The following PCSK9 variants were observed in gnomAD, a reference collection of about 807,000 sequenced individuals.
PCSK9 encodes proprotein convertase subtilisin/kexin type 9.
In PCSK9, 57 loss-of-function variants were observed where a neutral mutation model predicts 62.1. The ratio of observed to expected loss-of-function variants is 0.92; its 90% confidence interval spans 0.74 to 1.14. The LOEUF (loss-of-function observed/expected upper bound fraction) is 1.14, where lower values mean the gene tolerates loss of function less well. Among genes scored for constraint, PCSK9 ranks in the 50% most tolerant of loss-of-function variants. The probability of loss-of-function intolerance (pLI) is 0.00; values close to 1 mark genes in which losing one functional copy is unlikely to be tolerated. For missense variants in PCSK9, 870 were observed against 959.8 expected (o/e 0.91, Z 1.24); for synonymous variants, 387 against 409.4 (o/e 0.95, Z 0.66).
In PCSK9 at chr1:55,057,382, A is replaced by G. The variant is rs1459602819; in HGVS notation, c.1048A>G (p.Thr350Ala). 6.2e-7 allele frequency: 1 copy of G among 1,613,896 alleles called. No individual in the cohort carries two copies. Among genetic ancestry groups the G allele is most frequent in the Non-Finnish European group, 8.5e-7 (1 of 1,180,004 alleles). The change falls in exon 7 of 12, where the codon ACT becomes GCT. Residue 350 changes from threonine to alanine, a missense_variant. Coordinates refer to ENST00000302118, the MANE Select transcript of PCSK9 (RefSeq NM_174936.4). ...NAQDQPVTLG[T>A]LGTNFGRCVD... ...CCAAGACCAGCCGGTGACCCTGGGG[A>G]CTTTGGGGACCAACTTTGGCCGCTG...
intron 3 of PCSK9, among the ~76,000 whole-genome samples, chr1:55,050,744 T>C (rs967439928): frequency 6.6e-6 from 1 of 152,198 alleles, no homozygotes; most frequent in African/African-American, 2.4e-5. Context: ...CTGAAATTCA[T>C]GTGGGATCTC....
chr1:55,052,549 C>T (rs1213456028), intron 4 of PCSK9, 101 bp from the exon 5 acceptor site: 1 of 1,602,728 alleles, frequency 6.2e-7, no homozygotes, highest in African/African-American at 1.3e-5. Flanking sequence ...CCCTCCCTGC[C>T]ATCAGTTGTG....
intron 3 of PCSK9, among the ~76,000 whole-genome samples, chr1:55,048,621 A>C (rs1230420586): frequency 2.0e-5 from 3 of 152,192 alleles, no homozygotes; most frequent in African/African-American, 7.2e-5. Flanking sequence ...GGCATGGGGC[A>C]GGCTGGCTGG....
intron 3 of PCSK9, among the ~76,000 whole-genome samples, chr1:55,050,173 A>T (rs1015415443): frequency 3.3e-5 from 5 of 152,072 alleles, no homozygotes; most frequent in African/African-American, 1.2e-4. Context: ...CTGAGGGAAA[A>T]CCTTGGGCTG....
At chr1:55,045,772 G>C (rs374636177) in intron 2 of PCSK9, among the ~76,000 whole-genome samples, 123 of 151,096 alleles carry the variant, frequency 8.1e-4, no homozygotes, top group Middle Eastern at 6.8e-3. Context: ...TCTGCCTCCC[G>C]GGTTCAAGCT....
chr1:55,063,833 C>A lies in PCSK9; in HGVS notation c.*249C>A. The A allele has an allele frequency of 1.7e-6, 1 of 576,352 alleles. No individual in the cohort carries two copies. Among genetic ancestry groups the A allele is most frequent in the Non-Finnish European group, 3.1e-6 (1 of 323,578 alleles). 35.7% of individuals were successfully genotyped at this position (576,352 alleles called of 1,614,324 possible). ...CTCCCTCCCTCACTGTGGGGCATTTCACCATTCAAACAGGTCGAGCTGTGC... is the reference window on the plus strand; with the variant it reads ...CTCCCTCCCTCACTGTGGGGCATTTAACCATTCAAACAGGTCGAGCTGTGC... On this transcript the variant is annotated 3_prime_UTR_variant, in exon 12 of 12. Coordinates refer to ENST00000302118, the MANE Select transcript of PCSK9 (RefSeq NM_174936.4).
chr1:55,058,665 TCGTGTG>T lies in PCSK9; in HGVS notation c.1503+19_1503+24del. On this transcript the variant is annotated intron_variant, in intron 9 of 11. Transcript: ENST00000302118. ...GCATGGAGGTGACTGTACCCCTCCTTCGTGTGTGTGTGTGTGTGTGTGTGTGTGTGT... is the reference window on the plus strand; with the variant it reads ...GCATGGAGGTGACTGTACCCCTCCTTTGTGTGTGTGTGTGTGTGTGTGTGT... 6.3e-7 allele frequency: 1 copy of T among 1,575,990 alleles called. No individual in the cohort carries two copies.
At chr1:55,052,133 T>G in intron 3 of PCSK9, 145 bp from the exon 4 acceptor site, 1 of 1,109,250 alleles carries the variant, frequency 9.0e-7, no homozygotes, top group Non-Finnish European at 1.4e-6. Flanking sequence ...ATGTAGTGTG[T>G]GAGGATTTTT....
At chr1:55,047,676 C>T (rs1644643760) in intron 3 of PCSK9, among the ~76,000 whole-genome samples, 1 of 152,192 alleles carries the variant, frequency 6.6e-6, no homozygotes, top group Admixed American at 6.5e-5. Flanking sequence ...TGAGTTGCTG[C>T]CATTGCAACA....
chr1:55,052,894 C>T, intron 5 of PCSK9, 103 bp downstream of exon 5: 2 of 1,558,268 alleles, frequency 1.3e-6, no homozygotes, highest in Non-Finnish European at 1.7e-6. Flanking sequence ...ACCAAGAATG[C>T]TGTGGCAGCC....
exon 12 of PCSK9, chr1:55,064,848 C>CCTAA (rs1439286943): frequency 6.6e-6 from 1 of 152,150 alleles, no homozygotes; most frequent in Non-Finnish European, 1.5e-5. Context: ...CAAACGTTGT[C>CCTAA]CTAACTCTTG....
chr1:55,058,433 C>A, intron 8 of PCSK9, 66 bp from the exon 9 acceptor site: 2 of 1,607,354 alleles, frequency 1.2e-6, no homozygotes, highest in Middle Eastern at 2.3e-4. Flanking sequence ...CTACCATGAA[C>A]TAAAGATTTC....
At position 55,040,513 on chromosome 1, in the gene PCSK9, G is replaced by A. The variant is rs1042143204; in HGVS notation, c.207+469G>A. On this transcript the variant is annotated intron_variant, in intron 1 of 11. Coordinates refer to ENST00000302118, the MANE Select transcript of PCSK9 (RefSeq NM_174936.4). This position sits in a 1 kb window ranked among gnomAD's most constrained non-coding sequence, Gnocchi z 4.1. The stretch of plus-strand genomic sequence containing the variant: ...ATTTGGTTTGGAAAACATGGGCAGC[G>A]GAGGGTGGAGGGCCTGGAGAGAAGG... Among the ~76,000 whole-genome samples the A allele has an allele frequency of 5.9e-5, 9 of 152,308 alleles. No homozygotes were observed. The East Asian group carries it at 1.5e-3, about 26-fold the overall frequency.
Position 55,043,966 on chromosome 1 carries a change from A to G in PCSK9, c.331A>G (p.Ile111Val), listed in dbSNP as rs1433310399. The change falls in exon 2 of 12, where the codon ATC (isoleucine) becomes GTC (valine). Residue 111 changes from isoleucine to valine, a missense_variant. Transcript: ENST00000302118. ...QAARRGYLTK[I>V]LHVFHGLLPG... ...TGCCCGCCGGGGATACCTCACCAAG[A>G]TCCTGCATGTCTTCCATGGCCTTCT... 6.2e-7 allele frequency: 1 copy of G among 1,614,184 alleles called. No individual in the cohort carries two copies. The highest frequency in any genetic ancestry group is 1.7e-5 in the Admixed American group (1 of 60,030).
In PCSK9 at chr1:55,056,170, C is replaced by T. The variant is rs771735364; in HGVS notation, c.977C>T (p.Ser326Phe). The change falls in exon 6 of 12, where the codon TCC becomes TTC. Residue 326 changes from serine to phenylalanine, a missense_variant. Coordinates refer to ENST00000302118, the MANE Select transcript of PCSK9 (RefSeq NM_174936.4). ...TTCCGGGACGATGCCTGCCTCTACT[C>T]CCCAGCCTCAGCTCCCGAGGTAGGT... Reference protein sequence around the residue: ...GNFRDDACLYSPASAPEVITV... With the variant: ...GNFRDDACLYFPASAPEVITV... 6.7e-7 allele frequency: 1 copy of T among 1,495,170 alleles called. No homozygotes were observed. The highest frequency in any genetic ancestry group is 2.0e-5 in the Admixed American group (1 of 51,060). 92.6% of individuals were successfully genotyped at this position (1,495,170 alleles called of 1,614,324 possible).
At chr1:55,051,243 T>C (rs1433080160) in intron 3 of PCSK9, 2 of 455,798 alleles carry the variant, frequency 4.4e-6, no homozygotes, top group African/African-American at 2.0e-5. Context: ...CAGATGGCAC[T>C]TCAGAAGACT....
Position 55,040,132 on chromosome 1 carries a change from G to A in PCSK9, c.207+88G>A, listed in dbSNP as rs1570291108. 7.4e-6 allele frequency: 11 copies of A among 1,482,278 alleles called. No individual in the cohort carries two copies. The South Asian group carries it at 1.4e-4, about 18-fold the overall frequency. 91.8% of individuals were successfully genotyped at this position (1,482,278 alleles called of 1,614,324 possible). ...CTCTCGGGCCTCAGTTTCCCCCCAT[G>A]TAAGAGAGGAAGTGGAGTGCAGGTC... On this transcript the variant is annotated intron_variant, in intron 1 of 11. Transcript: ENST00000302118. This position sits in a 1 kb window ranked among gnomAD's most constrained non-coding sequence, Gnocchi z 4.1.
At chr1:55,042,969 C>G (rs1644607748) in intron 1 of PCSK9, among the ~76,000 whole-genome samples, 1 of 152,208 alleles carries the variant, frequency 6.6e-6, no homozygotes, top group African/African-American at 2.4e-5. Context: ...GCACCTCCCT[C>G]TCTTCTCTCT....
rs28362223 is a variant in PCSK9 at position 55,045,960 on chromosome 1, C to T, written c.400-563C>T. On this transcript the variant is annotated intron_variant, in intron 2 of 11. Coordinates refer to ENST00000302118, the MANE Select transcript of PCSK9 (RefSeq NM_174936.4). ...CTCGACCTCAGGTGATCCCCCACCT[C>T]GGCCTCCCAAAGTGCTGGGATTACA... 7.1e-3 allele frequency among the ~76,000 whole-genome samples: 1,084 copies of T among 152,104 alleles called. 9 individuals carry two copies. Among genetic ancestry groups the T allele is most frequent in the African/African-American group, 0.024 (977 of 41,518 alleles).
Sources: allele counts gnomAD v4.1 joint callset (sites outside exome capture counted in the v4.1 genomes callset), GRCh38; gene constraint gnomAD v4.1.1; non-coding constraint Gnocchi (gnomAD v3.1); transcripts MANE v1.5; gene names NCBI Gene and HGNC (gene_info 2026-07-23, HGNC 2026-07-21).